Variants in SPATA13 observed in about 807,000 individuals in gnomAD.
SPATA13 encodes spermatogenesis-associated protein 13.
A neutral mutation model predicts 104.0 loss-of-function variants in SPATA13; 50 were observed. The observed-to-expected ratio is 0.48, with a 90% CI of 0.38 to 0.61. The LOEUF (loss-of-function observed/expected upper bound fraction) is 0.61, where lower values mean the gene tolerates loss of function less well. Among genes scored for constraint, SPATA13 ranks in the 20% least tolerant of loss-of-function variants. The pLI is 0.00. For synonymous variants in SPATA13, 606 were observed against 667.5 expected (o/e 0.91, Z 1.42); for missense variants, 1,524 against 1,690.6 (o/e 0.90, Z 1.73).
At chr13:24,228,008 G>T (rs1872043135) in intron 2 of SPATA13, among the ~76,000 whole-genome samples, 2 of 151,376 alleles carry the variant, frequency 1.3e-5, no homozygotes, top group Admixed American at 1.3e-4. Context: ...GGGTTCAAGC[G>T]ATTCTTCCGC....
At chr13:24,070,418 A>G (rs1879117166) in intron 3 of SPATA13, among the ~76,000 whole-genome samples, 1 of 152,080 alleles carries the variant, frequency 6.6e-6, no homozygotes, top group African/African-American at 2.4e-5. Flanking sequence ...GAGAGAGGAG[A>G]TATCTCTTTC....
Position 24,275,054 on chromosome 13 carries a change from T to C in SPATA13, c.2165-9081T>C, listed in dbSNP as rs562197575. On this transcript the variant is annotated intron_variant, in intron 4 of 12. Coordinates refer to ENST00000382108, the MANE Select transcript of SPATA13 (RefSeq NM_001166271.3). ...ACTTATCAGTCAGGGGCTTTTTTTT[T>C]CCTGATGTCTTCTCTAACTGTATTT... 5.0e-3 allele frequency among the ~76,000 whole-genome samples: 761 copies of C among 152,258 alleles called. 14 individuals are homozygous for C. Among genetic ancestry groups the C allele is most frequent in the African/African-American group, 0.017 (720 of 41,534 alleles).
intron 3 of SPATA13, chr13:24,123,534 G>T: frequency 1.2e-6 from 2 of 1,611,276 alleles, no homozygotes; most frequent in Non-Finnish European, 1.7e-6. Context: ...GTCAGCATTT[G>T]GTTCTGTAAG....
At chr13:24,268,860 G>T (rs544790079) in intron 4 of SPATA13, among the ~76,000 whole-genome samples, 3 of 152,202 alleles carry the variant, frequency 2.0e-5, no homozygotes, top group Non-Finnish European at 4.4e-5. Context: ...GGGTTACTAA[G>T]GCTATGAGTT....
intron 3 of SPATA13, among the ~76,000 whole-genome samples, chr13:24,067,735 C>G (rs748895169): frequency 7.9e-5 from 12 of 152,162 alleles, no homozygotes; most frequent in African/African-American, 1.2e-4. Flanking sequence ...GATGGAGTCT[C>G]ACTCTGTCGC....
chr13:24,224,468 A>G lies in SPATA13; in HGVS notation c.1539A>G (p.Pro513=). 1 of 1,551,458 alleles carries G rather than the reference A, an allele frequency of 6.4e-7. No individual in the cohort carries two copies. Among genetic ancestry groups the G allele is most frequent in the African/African-American group, 1.4e-5 (1 of 73,184 alleles). ...CAGAAGAGCCTGCTCAGAGAGAGCC[A>G]GGGCCTGTGTCCTTGCAGGATCCCC... ...GRAEEPAQRE[P]GPVSLQDPLE... is the part of the protein sequence containing the mutation. The change falls in exon 2 of 13, where the codon CCA becomes CCG. Residue 513 remains proline, a synonymous_variant. Coordinates refer to ENST00000382108, the MANE Select transcript of SPATA13 (RefSeq NM_001166271.3).
Position 24,201,841 on chromosome 13 carries a change from T to C in SPATA13, c.-111-20978T>C, listed in dbSNP as rs1427914961. ...AAATAGTACATATGTTAAAATCCCC[T>C]GTGCTTCACCTGTTCACTTCTCTTT... On this transcript the variant is annotated intron_variant, in intron 1 of 12. Coordinates refer to ENST00000382108, the MANE Select transcript of SPATA13 (RefSeq NM_001166271.3). 3.9e-5 allele frequency among the ~76,000 whole-genome samples: 6 copies of C among 152,328 alleles called. No homozygotes were observed. The South Asian group carries it at 1.0e-3, about 26-fold the overall frequency.
At chr13:24,000,667 G>A (rs1204846159) in intron 2 of SPATA13, among the ~76,000 whole-genome samples, 1 of 152,230 alleles carries the variant, frequency 6.6e-6, no homozygotes, top group East Asian at 1.9e-4. Context: ...TGTGGGGAAA[G>A]AGGCTTGTGT....
chr13:24,064,367 G>T (rs997519885), intron 3 of SPATA13, among the ~76,000 whole-genome samples: 1 of 152,196 alleles, frequency 6.6e-6, no homozygotes, highest in African/African-American at 2.4e-5. Flanking sequence ...TCACAGTGGA[G>T]AAACCTGGCT....
rs1021740026 is a variant in SPATA13 at position 24,051,655 on chromosome 13, T to C, written c.-112+33954T>C. ...GTTTGGGGATGGAGGGGTGGGGACTTAGGGGCAAGGGGAAGCTGAGAAGAG... is the reference window on the plus strand; with the variant it reads ...GTTTGGGGATGGAGGGGTGGGGACTCAGGGGCAAGGGGAAGCTGAGAAGAG... On this transcript the variant is annotated intron_variant, in intron 3 of 14. Transcript: ENST00000424834. The surrounding 1 kb of genome is among the most constrained non-coding windows in gnomAD (Gnocchi z 4.2). 1.3e-5 allele frequency among the ~76,000 whole-genome samples: 2 copies of C among 151,704 alleles called. No individual in the cohort carries two copies. Among genetic ancestry groups the C allele is most frequent in the Non-Finnish European group, 2.9e-5 (2 of 67,938 alleles).
At chr13:24,118,488 C>T (rs1880924121) in intron 3 of SPATA13, among the ~76,000 whole-genome samples, 1 of 152,162 alleles carries the variant, frequency 6.6e-6, no homozygotes, top group Non-Finnish European at 1.5e-5. Flanking sequence ...TTACAAAGCA[C>T]ATGTCAGATG....
intron 1 of SPATA13, among the ~76,000 whole-genome samples, chr13:24,183,665 C>A (rs1220575): frequency 6.6e-6 from 1 of 151,208 alleles, no homozygotes; most frequent in African/African-American, 2.4e-5. Context: ...TATGCGTGGC[C>A]CAAGACAATT....
intron 3 of SPATA13, among the ~76,000 whole-genome samples, chr13:24,112,642 A>G (rs1880683072): frequency 6.6e-6 from 1 of 152,090 alleles, no homozygotes; most frequent in South Asian, 2.1e-4. Context: ...ACAGCTCATT[A>G]CAGCTGTTTG....
chr13:24,045,453 A>C (rs141663649), intron 3 of SPATA13, among the ~76,000 whole-genome samples: 62 of 95,968 alleles, frequency 6.5e-4, no homozygotes, highest in African/African-American at 2.5e-3. Context: ...CGACATGAAA[A>C]CATCAAATGC....
intron 3 of SPATA13, among the ~76,000 whole-genome samples, chr13:24,131,502 CAG>C (rs2137835322): frequency 6.6e-6 from 1 of 152,272 alleles, no homozygotes; most frequent in East Asian, 1.9e-4. Flanking sequence ...CAAGACAAGT[CAG>C]ATAAAAGGAT....
Position 24,297,378 on chromosome 13 carries a change from G to T in SPATA13, c.3226G>T (p.Asp1076Tyr). The change falls in exon 11 of 13, where the codon GAC (aspartate) becomes TAC (tyrosine). Residue 1076 changes from aspartate to tyrosine, a missense_variant. Around this residue, in one of 2 missense-constraint regions of SPATA13, gnomAD observed 435 missense variants for 554.8 expected, o/e 0.78. Coordinates refer to ENST00000382108, the MANE Select transcript of SPATA13 (RefSeq NM_001166271.3). ...ATCCTTCCAGGGACTGGATATCTTA[G>T]ACCGAAGCTCAGAATTGATTCATTC... ...IVGWEGLDIL[D>Y]RSSELIHSGE... 6.2e-7 allele frequency: 1 copy of T among 1,610,370 alleles called. No homozygotes were observed. The highest frequency in any genetic ancestry group is 1.1e-5 in the South Asian group (1 of 91,006).
intron 3 of SPATA13, among the ~76,000 whole-genome samples, chr13:24,104,239 G>GT (rs113835456): frequency 0.01 from 1,515 of 144,422 alleles, 20 homozygotes; most frequent in African/African-American, 0.03. Flanking sequence ...GCTAGAATGG[G>GT]TTTTTTTTTT....
rs555134486 is a variant in SPATA13, at chr13:23,983,138, C to T, written c.-353-589C>T. On this transcript the variant is annotated intron_variant, in intron 1 of 14. Coordinates refer to the SPATA13 transcript ENST00000424834. The stretch of plus-strand genomic sequence containing the variant: ...GAGAGAGTGTCTTTGTTCGGGCTGC[C>T]ATCACAAAACACCACAGCCTGGGGG... Among the ~76,000 whole-genome samples, 3 of 152,210 alleles carry T rather than the reference C, an allele frequency of 2.0e-5. No homozygotes were observed. In the South Asian group the frequency reaches 6.2e-4, roughly 32 times the overall value.
intron 3 of SPATA13, among the ~76,000 whole-genome samples, chr13:24,081,708 A>AC (rs1879526211): frequency 9.1e-6 from 1 of 110,058 alleles, no homozygotes; most frequent in Non-Finnish European, 2.3e-5. Flanking sequence ...GTAAGCATAA[A>AC]TTTAAAAAAA....
Sources: gnomAD v4.1 joint callset for allele counts (sites outside exome capture counted in the v4.1 genomes callset) on GRCh38, gnomAD v4.1.1 for gene constraint, gnomAD v4.1.1 regional missense constraint, Gnocchi (gnomAD v3.1) non-coding constraint, MANE v1.5 for transcripts, NCBI Gene and HGNC (gene_info 2026-07-23, HGNC 2026-07-21) for gene names.